Variants in OLFM1 observed in about 807,000 individuals in gnomAD.
OLFM1 encodes the protein olfactomedin 1.
Under a neutral mutation model 49.7 loss-of-function variants are expected in OLFM1, and 9 were observed. The ratio of observed to expected loss-of-function variants is 0.18; its 90% CI spans 0.11 to 0.32. The LOEUF (loss-of-function observed/expected upper bound fraction) is 0.32. Among genes scored for constraint, OLFM1 ranks in the 10% least tolerant of loss-of-function variants. The pLI is 1.00. For missense variants in OLFM1, 369 were observed against 661.8 expected, an observed-to-expected ratio of 0.56 and a Z score of 4.85; for synonymous variants, 240 against 271.8, an observed-to-expected ratio of 0.88 and a Z score of 1.15.
chr9:135,106,791 A>G lies in OLFM1; in HGVS notation c.719A>G (p.Lys240Arg). ...LTGISDPVTVKTSGSRFGSWM... is the reference protein window; with the variant it reads ...LTGISDPVTVRTSGSRFGSWM... Reference sequence around the variant, plus strand: ...GGCATCAGTGACCCCGTGACTGTCAAGACCTCCGGCTCGAGGTTCGGATCC... The same window carrying G: ...GGCATCAGTGACCCCGTGACTGTCAGGACCTCCGGCTCGAGGTTCGGATCC... The change falls in exon 5 of 6, where the codon AAG becomes AGG. Residue 240 changes from lysine (K) to arginine (R), a missense_variant. Lys to Arg is a conservative substitution (Grantham distance 26). Transcript: ENST00000371793. 1 of 1,613,702 alleles carries G rather than the reference A, an allele frequency of 6.2e-7. No homozygotes were observed. The highest frequency in any genetic ancestry group is 8.5e-7 in the Non-Finnish European group (1 of 1,179,918).
intron 4 of OLFM1, among the ~76,000 whole-genome samples, chr9:135,101,326 G>A (rs1025695568): frequency 1.3e-5 from 2 of 152,182 alleles, no homozygotes; most frequent in Admixed American, 6.5e-5. Context: ...CCATGGTCTA[G>A]TGAACAGGGT....
rs549935936 is a variant in OLFM1 at position 135,119,447 on chromosome 9, T to C, written c.784-57T>C. 2.3e-5 allele frequency: 33 copies of C among 1,438,116 alleles called. No individual in the cohort carries two copies. In the African/African-American group the frequency reaches 3.9e-4, roughly 17 times the overall value. 89.1% of individuals were successfully genotyped at this position (1,438,116 alleles called of 1,614,324 possible). ...ATCTTTGGAAGTGCTCACTGGGTCT[T>C]TGGAGTACTCACTGGGTCTTTGGAA... is the stretch of plus-strand genomic sequence containing the variant. On this transcript the variant is annotated intron_variant, in intron 5 of 5. Transcript: ENST00000371793.
chr9:135,118,735 G>T (rs1263986901), intron 5 of OLFM1, among the ~76,000 whole-genome samples: 1 of 149,034 alleles, frequency 6.7e-6, no homozygotes, highest in Non-Finnish European at 1.5e-5. Flanking sequence ...TACTCACTGG[G>T]TCTCTGGAGT....
chr9:135,085,510 T>C (rs1564267430), upstream of OLFM1, among the ~76,000 whole-genome samples: 2 of 152,252 alleles, frequency 1.3e-5, no homozygotes, highest in African/African-American at 4.8e-5. Flanking sequence ...CACCACACCA[T>C]GCACTTCAGT....
At chr9:135,086,504 C>A, upstream of OLFM1, 1 of 400,290 alleles carries the variant, frequency 2.5e-6, no homozygotes. Flanking sequence ...GTCCGTCTTT[C>A]AAATCCCATC....
chr9:135,116,952 A>T (rs1314305376), intron 5 of OLFM1, among the ~76,000 whole-genome samples: 1 of 148,904 alleles, frequency 6.7e-6, no homozygotes, highest in Non-Finnish European at 1.5e-5. Flanking sequence ...CTTGAGAAGA[A>T]GGTTATAATT....
In OLFM1 at chr9:135,116,473, A is replaced by G. The variant is rs1386144367; in HGVS notation, c.784-3031A>G. On this transcript the variant is annotated intron_variant, in intron 5 of 5. Transcript: ENST00000371793. The stretch of plus-strand genomic sequence containing the variant: ...ATCCTTAGCAAGTTGATGCTGGTGT[A>G]TCCCCCTTCTGCCCATGGGAAGGAG... 2.0e-5 allele frequency among the ~76,000 whole-genome samples: 3 copies of G among 152,074 alleles called. No homozygotes were observed. In the East Asian group the frequency reaches 5.8e-4, roughly 29 times the overall value.
Position 135,088,074 on chromosome 9 carries a change from C to A in OLFM1, c.85C>A (p.Leu29Met). The change falls in exon 1 of 6, where the codon CTG becomes ATG. Residue 29 changes from leucine to methionine, a missense_variant. Transcript: ENST00000371793. This position sits in a 1 kb window ranked among gnomAD's most constrained non-coding sequence, Gnocchi z 4.8. ...TNWMSQTLPS[L>M]VGLNTTKLSA... ...CTGGATGTCCCAGACGCTGCCCTCG[C>A]TGGTGGGCCTCAACACCACCAAGCT... is the stretch of plus-strand genomic sequence containing the variant. The A allele has an allele frequency of 6.9e-7, 1 of 1,449,190 alleles. No individual in the cohort carries two copies. Among genetic ancestry groups the A allele is most frequent in the Non-Finnish European group, 9.2e-7 (1 of 1,088,664 alleles). 89.8% of individuals were successfully genotyped at this position (1,449,190 alleles called of 1,614,324 possible).
rs1247178058 is a variant in OLFM1 at position 135,087,822 on chromosome 9, C to CCGGGGCGCG, written c.-160_-152dup. 2 of 884,394 alleles carry CCGGGGCGCG rather than the reference C, an allele frequency of 2.3e-6. No homozygotes were observed. The highest frequency in any genetic ancestry group is 2.7e-6 in the Non-Finnish European group (2 of 740,580). 54.8% of individuals were successfully genotyped at this position (884,394 alleles called of 1,614,324 possible). On this transcript the variant is annotated 5_prime_UTR_variant, in exon 1 of 6. Coordinates refer to ENST00000371793, the MANE Select transcript of OLFM1 (RefSeq NM_001282611.2). ...GCGCCCGGGGAAGGCGCGGCGATGG[C>CCGGGGCGCG]CGGGGCGCGCGGGGCGGCGGCGGCG...
At chr9:135,096,286 CAT>C (rs1484187150) in intron 3 of OLFM1, among the ~76,000 whole-genome samples, 1 of 139,788 alleles carries the variant, frequency 7.2e-6, no homozygotes. Flanking sequence ...TCTTCCCCCT[CAT>C]CCTCTTCATC....
At chr9:135,110,037 C>G (rs1831000774) in intron 5 of OLFM1, among the ~76,000 whole-genome samples, 1 of 152,240 alleles carries the variant, frequency 6.6e-6, no homozygotes, top group Non-Finnish European at 1.5e-5. Context: ...AAGTTCTTCT[C>G]AGCAGGAAGC....
intron 5 of OLFM1, among the ~76,000 whole-genome samples, chr9:135,109,957 C>T (rs1830999811): frequency 6.6e-6 from 1 of 152,194 alleles, no homozygotes; most frequent in Non-Finnish European, 1.5e-5. Flanking sequence ...GCCTTTGCAG[C>T]AGGTCTTTCT....
chr9:135,090,092 G>A, intron 1 of OLFM1, 103 bp from the exon 2 acceptor site: 1 of 1,061,554 alleles, frequency 9.4e-7, no homozygotes, highest in Non-Finnish European at 1.3e-6. Flanking sequence ...CTTTTCCTTG[G>A]GGGTGGATGT....
intron 2 of OLFM1, among the ~76,000 whole-genome samples, chr9:135,092,282 C>T (rs200068699): frequency 1.3e-5 from 2 of 152,130 alleles, no homozygotes; most frequent in Admixed American, 6.5e-5. Flanking sequence ...TTGAAAGGTC[C>T]GAGTCACTGC....
rs113524443 is a variant in OLFM1 at position 135,106,622 on chromosome 9, C to A, written c.677-127C>A. ...GGGCGTGAGCAGCTTTCCACAGTACCCCAGACCCCGAGGGCAAGAGGAGAA... is the reference window on the plus strand; with the variant it reads ...GGGCGTGAGCAGCTTTCCACAGTACACCAGACCCCGAGGGCAAGAGGAGAA... On this transcript the variant is annotated intron_variant, in intron 4 of 5. Coordinates refer to ENST00000371793, the MANE Select transcript of OLFM1 (RefSeq NM_001282611.2). 2.2e-3 allele frequency: 1,515 copies of A among 674,266 alleles called. 11 individuals carry two copies. Among genetic ancestry groups the A allele is most frequent in the African/African-American group, 0.019 (1,043 of 55,686 alleles). 41.8% of individuals were successfully genotyped at this position (674,266 alleles called of 1,614,324 possible). A position where few individuals can be genotyped will look rare whatever the true frequency, so the allele number is the denominator to read the frequency against.
chr9:135,093,654 G>A (rs56695722), intron 2 of OLFM1, among the ~76,000 whole-genome samples: 3 of 152,136 alleles, frequency 2.0e-5, no homozygotes, highest in Non-Finnish European at 2.9e-5. Flanking sequence ...CTGTCATCCC[G>A]TAGCTCTGTG....
chr9:135,087,817 G>A lies in OLFM1; in HGVS notation c.-173G>A. On this transcript the variant is annotated 5_prime_UTR_variant, in exon 1 of 6. Coordinates refer to ENST00000371793, the MANE Select transcript of OLFM1 (RefSeq NM_001282611.2). ...CCCTGGCGCCCGGGGAAGGCGCGGCGATGGCCGGGGCGCGCGGGGCGGCGG... is the reference window on the plus strand; with the variant it reads ...CCCTGGCGCCCGGGGAAGGCGCGGCAATGGCCGGGGCGCGCGGGGCGGCGG... 1.2e-6 allele frequency: 1 copy of A among 862,328 alleles called. No individual in the cohort carries two copies. The highest frequency in any genetic ancestry group is 1.4e-6 in the Non-Finnish European group (1 of 720,208). 53.4% of individuals were successfully genotyped at this position (862,328 alleles called of 1,614,324 possible).
At chr9:135,078,745 C>T (rs1025556333) in intron 1 of OLFM1, among the ~76,000 whole-genome samples, 3 of 152,200 alleles carry the variant, frequency 2.0e-5, no homozygotes, top group Non-Finnish European at 2.9e-5. Flanking sequence ...CACCGCCACA[C>T]CCCCCAGGCT....
chr9:135,076,290 T>C, intron 1 of OLFM1: 7 of 1,550,418 alleles, frequency 4.5e-6, no homozygotes, highest in South Asian at 1.2e-5. Flanking sequence ...GTGGGGATTG[T>C]GCCGCTGAGA....
Sources: gnomAD v4.1 joint callset for allele counts (sites outside exome capture counted in the v4.1 genomes callset) on GRCh38, gnomAD v4.1.1 for gene constraint, Gnocchi (gnomAD v3.1) non-coding constraint, MANE v1.5 for transcripts, NCBI Gene and HGNC (gene_info 2026-07-23, HGNC 2026-07-21) for gene names.